TAFA2: variants seen among roughly 807,000 people sequenced by gnomAD.
TAFA2 encodes TAFA chemokine like family member 2.
TAFA2 carries 7 observed loss-of-function variants against 18.8 expected under a neutral mutation model. That is an observed-to-expected ratio of 0.37 (90% CI 0.21 to 0.70). The LOEUF (loss-of-function observed/expected upper bound fraction) is 0.70, where lower values mean the gene tolerates loss of function less well. Ranked by LOEUF, TAFA2 falls within the 30% of genes least tolerant of loss-of-function variation. TAFA2 has a pLI of 0.53. For missense variants in TAFA2, 122 were observed against 158.1 expected, an observed-to-expected ratio of 0.77 and a Z score of 1.23; for synonymous variants, 60 against 54.2, an observed-to-expected ratio of 1.11 and a Z score of -0.47.
At chr12:61,809,892 T>G (rs892765517) in intron 2 of TAFA2, among the ~76,000 whole-genome samples, 1 of 151,192 alleles carries the variant, frequency 6.6e-6, no homozygotes. Flanking sequence ...TTTGAGACCA[T>G]CAATGTGCCA....
At position 62,237,284 on chromosome 12, in the gene TAFA2, G is replaced by T. The variant is rs573940408; in HGVS notation, c.-130+21479C>A. 8.2e-4 allele frequency among the ~76,000 whole-genome samples: 125 copies of T among 152,344 alleles called. 1 individual carries two copies. The highest frequency in any genetic ancestry group is 2.6e-3 in the African/African-American group (108 of 41,576). On this transcript the variant is annotated intron_variant, in intron 1 of 5. Coordinates refer to the TAFA2 transcript ENST00000551619. ...GCACTTTGGGAGGCCGAGGCGGGCA[G>T]ATCATGAGGTCAGGAGATCGTAGAT... is the stretch of plus-strand genomic sequence containing the variant.
At chr12:61,748,265 G>A (rs1002422710) in intron 4 of TAFA2, among the ~76,000 whole-genome samples, 3 of 152,108 alleles carry the variant, frequency 2.0e-5, no homozygotes, top group African/African-American at 4.8e-5. Context: ...AGATCACTAA[G>A]TAAGATGTAT....
intron 2 of TAFA2, chr12:61,776,355 C>T (rs1407291920): frequency 1.8e-5 from 3 of 168,362 alleles, no homozygotes; most frequent in Non-Finnish European, 2.6e-5. Context: ...TGAGAACCAA[C>T]GGAAAGGAGC....
At chr12:61,880,375 C>A in intron 1 of TAFA2, 1 of 526,120 alleles carries the variant, frequency 1.9e-6, no homozygotes, top group Admixed American at 2.0e-5. Flanking sequence ...ATGCCAACAC[C>A]AAGCTGTTGG....
chr12:62,134,855 G>C (rs999967639), intron 1 of TAFA2, among the ~76,000 whole-genome samples: 1 of 151,790 alleles, frequency 6.6e-6, no homozygotes, highest in Non-Finnish European at 1.5e-5. Flanking sequence ...TCCTCAAGCT[G>C]CTATTGCACA....
intron 1 of TAFA2, among the ~76,000 whole-genome samples, chr12:62,207,973 T>C (rs1240131258): frequency 1.3e-5 from 2 of 152,160 alleles, no homozygotes; most frequent in Non-Finnish European, 2.9e-5. Flanking sequence ...ACATCCTCAT[T>C]CCTTGTGAAC....
At chr12:61,943,524 T>G (rs1456060403) in intron 1 of TAFA2, among the ~76,000 whole-genome samples, 1 of 143,678 alleles carries the variant, frequency 7.0e-6, no homozygotes, top group Non-Finnish European at 1.5e-5. Flanking sequence ...GGATAAAGAG[T>G]CAAGACCCAT....
intron 2 of TAFA2, among the ~76,000 whole-genome samples, chr12:61,781,910 A>G (rs117297773): frequency 1.6e-4 from 25 of 151,768 alleles, no homozygotes; most frequent in Non-Finnish European, 3.5e-4. Context: ...TAAAAATTGA[A>G]ATGTATGAGA....
At chr12:62,227,325 T>C (rs2062791239) in intron 1 of TAFA2, among the ~76,000 whole-genome samples, 1 of 152,196 alleles carries the variant, frequency 6.6e-6, no homozygotes, top group South Asian at 2.1e-4. Flanking sequence ...TCGGAGTAAG[T>C]ATGCAGTCCT....
At chr12:61,928,051 AAAAATCCTAG>A (rs1877383283) in intron 1 of TAFA2, among the ~76,000 whole-genome samples, 1 of 152,220 alleles carries the variant, frequency 6.6e-6, no homozygotes, top group Non-Finnish European at 1.5e-5. Context: ...CTAAAACCAT[AAAAATCCTAG>A]AAGAAAACCT....
In TAFA2 at chr12:61,843,738, G is replaced by A. The variant is rs568088605; in HGVS notation, c.106+23582C>T. 1.5e-3 allele frequency among the ~76,000 whole-genome samples: 227 copies of A among 152,138 alleles called. 4 individuals are homozygous for A. Among genetic ancestry groups the A allele is most frequent in the African/African-American group, 5.1e-3 (212 of 41,538 alleles). On this transcript the variant is annotated intron_variant, in intron 2 of 4. Transcript: ENST00000416284. ...GATTCATATATACACACATAAATAC[G>A]TAAACAAATTTATAAAGATGTGAAA...
At chr12:62,107,788 A>C (rs1440541009) in intron 1 of TAFA2, among the ~76,000 whole-genome samples, 2 of 152,212 alleles carry the variant, frequency 1.3e-5, no homozygotes, top group African/African-American at 2.4e-5. Flanking sequence ...TGAAATAAGA[A>C]TACTACTAAA....
At chr12:61,938,274 TGGG>T (rs1018428747) in intron 1 of TAFA2, among the ~76,000 whole-genome samples, 1 of 148,378 alleles carries the variant, frequency 6.7e-6, no homozygotes, top group African/African-American at 2.5e-5. Flanking sequence ...ATATTGCTGG[TGGG>T]AACATAAATT....
In TAFA2 at chr12:61,744,280, A is replaced by T. The variant is rs1868592262; in HGVS notation, c.384+9342T>A. Among the ~76,000 whole-genome samples the T allele has an allele frequency of 2.0e-5, 3 of 152,260 alleles. No homozygotes were observed. In the South Asian group the frequency reaches 6.2e-4, roughly 32 times the overall value. On this transcript the variant is annotated intron_variant, in intron 4 of 4. Coordinates refer to ENST00000416284, the MANE Select transcript of TAFA2 (RefSeq NM_178539.5). The stretch of plus-strand genomic sequence containing the variant: ...ATTCACAATTAACTGTAAGATTATA[A>T]GCACAACATTTGGAGTAACATCTAC...
At chr12:62,210,939 C>T (rs1009728846) in intron 1 of TAFA2, among the ~76,000 whole-genome samples, 16 of 149,220 alleles carry the variant, frequency 1.1e-4, no homozygotes, top group African/African-American at 2.2e-4. Flanking sequence ...CCCAAAAAAA[C>T]GGTGAAATTG....
intron 2 of TAFA2, among the ~76,000 whole-genome samples, chr12:61,820,509 G>C (rs1259003838): frequency 6.7e-6 from 1 of 148,526 alleles, no homozygotes; most frequent in Non-Finnish European, 1.5e-5. Flanking sequence ...CTCAGAGTAA[G>C]GAATATAAAA....
chr12:61,868,358 A>G (rs1432208581), intron 1 of TAFA2, among the ~76,000 whole-genome samples: 2 of 152,162 alleles, frequency 1.3e-5, no homozygotes, highest in African/African-American at 2.4e-5. Flanking sequence ...GGGATAAGCA[A>G]AACTGATATG....
At chr12:61,741,082 C>T (rs750195789) in intron 4 of TAFA2, among the ~76,000 whole-genome samples, 7 of 152,140 alleles carry the variant, frequency 4.6e-5, no homozygotes, top group Non-Finnish European at 7.4e-5. Context: ...ATATACATTA[C>T]TTCAAAATTT....
rs974698446 is a variant in TAFA2, at chr12:62,249,418, T to C, written c.-130+9345A>G. Among the ~76,000 whole-genome samples the C allele has an allele frequency of 1.1e-4, 17 of 152,278 alleles. 1 individual carries two copies. The East Asian group carries it at 2.1e-3, about 19-fold the overall frequency. On this transcript the variant is annotated intron_variant, in intron 1 of 5. Transcript: ENST00000551619. ...CTACTTAATCTGTGTCCTTCAAGAA[T>C]AGCTTGATGCCATCCTTGTGGTAAT...
Sources: allele counts gnomAD v4.1 joint callset (sites outside exome capture counted in the v4.1 genomes callset), GRCh38; gene constraint gnomAD v4.1.1; transcripts MANE v1.5; gene names NCBI Gene and HGNC (gene_info 2026-07-23, HGNC 2026-07-21).